The following RTL4 variants were observed in gnomAD, a reference collection of about 807,000 sequenced individuals.
RTL4 encodes the protein retrotransposon Gag-like protein 4.
In RTL4, 4 loss-of-function variants were observed where a neutral mutation model predicts 5.3. The observed-to-expected ratio is 0.75, with a 90% CI of 0.37 to 1.72. The LOEUF (loss-of-function observed/expected upper bound fraction) is 1.72. Among genes scored for constraint, RTL4 ranks in the 40% most tolerant of loss-of-function variants. The pLI, the probability that RTL4 is intolerant of heterozygous loss-of-function variation, is 0.04. For synonymous variants in RTL4, 98 were observed against 87.3 expected (o/e 1.12, Z -0.68); for missense variants, 260 against 227.1 (o/e 1.14, Z -0.93).
the RTL4 span, among the ~76,000 whole-genome samples, chrX:112,259,386 C>T: frequency 9.0e-6 from 1 of 110,778 alleles, no homozygotes; most frequent in African/African-American, 3.3e-5. Flanking sequence ...TTTATAATTT[C>T]TAACAATATG....
the RTL4 span, among the ~76,000 whole-genome samples, chrX:112,087,128 A>G: frequency 1.8e-5 from 2 of 111,259 alleles, no homozygotes; most frequent in African/African-American, 6.5e-5. Context: ...GCCTGAGGTT[A>G]GAGGATAGTG....
At chrX:112,405,706 C>T in the RTL4 span, among the ~76,000 whole-genome samples, 8 of 99,565 alleles carry the variant, frequency 8.0e-5, no homozygotes, top group Non-Finnish European at 1.6e-4. Context: ...TGTCCTCCCC[C>T]TGCAAGGACA....
At chrX:112,221,651 T>C in the RTL4 span, among the ~76,000 whole-genome samples, 296 of 112,568 alleles carry the variant, frequency 2.6e-3, no homozygotes, top group African/African-American at 8.7e-3. Flanking sequence ...GCCTGGGTCA[T>C]CTGCCTTTCT....
the RTL4 span, among the ~76,000 whole-genome samples, chrX:112,207,109 T>G: frequency 8.9e-6 from 1 of 111,862 alleles, no homozygotes; most frequent in Admixed American, 9.5e-5. Flanking sequence ...GTCTCCTTAA[T>G]GCTTTTCCCA....
the RTL4 span, among the ~76,000 whole-genome samples, chrX:112,083,150 C>T: frequency 8.9e-6 from 1 of 112,120 alleles, no homozygotes; most frequent in Admixed American, 9.3e-5. Flanking sequence ...TGTTTGCTTC[C>T]CCAGACCTCC....
the RTL4 span, among the ~76,000 whole-genome samples, chrX:112,331,297 C>A: frequency 2.4e-4 from 25 of 106,076 alleles, no homozygotes; most frequent in East Asian, 1.8e-3. Context: ...CAATGAACTC[C>A]AACAAATTTA....
the RTL4 span, among the ~76,000 whole-genome samples, chrX:112,330,710 G>C: frequency 1.8e-5 from 2 of 111,408 alleles, no homozygotes; most frequent in Non-Finnish European, 3.8e-5. Flanking sequence ...TCAATCTTAA[G>C]CCAAAAGAAC....
the RTL4 span, among the ~76,000 whole-genome samples, chrX:112,313,822 G>A: frequency 6.4e-5 from 7 of 110,117 alleles, no homozygotes; most frequent in African/African-American, 1.3e-4. Context: ...TCACTCAAAT[G>A]ACAAAGTCAT....
At chrX:112,412,976 T>A in the RTL4 span, among the ~76,000 whole-genome samples, 1 of 111,218 alleles carries the variant, frequency 9.0e-6, no homozygotes, top group South Asian at 3.7e-4. Flanking sequence ...GATTAATAAC[T>A]AGAATATATA....
chrX:112,278,298 T>C, the RTL4 span, among the ~76,000 whole-genome samples: 2 of 112,266 alleles, frequency 1.8e-5, no homozygotes, highest in African/African-American at 6.5e-5. Context: ...ATAGGAATCA[T>C]GTTTTTAATT....
chrX:112,361,909 C>T, the RTL4 span, among the ~76,000 whole-genome samples: 1 of 111,477 alleles, frequency 9.0e-6, no homozygotes, highest in Non-Finnish European at 1.9e-5. Flanking sequence ...TTGGAATTGA[C>T]TAAATTCTTT....
At chrX:112,236,068 A>G in the RTL4 span, among the ~76,000 whole-genome samples, 1 of 110,779 alleles carries the variant, frequency 9.0e-6, no homozygotes. Context: ...GAAAGTATGA[A>G]ACAATTGATA....
chrX:112,164,017 C>T, the RTL4 span, among the ~76,000 whole-genome samples: 1 of 111,970 alleles, frequency 8.9e-6, no homozygotes, highest in Non-Finnish European at 1.9e-5. Context: ...CCCTTTGCAA[C>T]CTCAACTATT....
At chrX:112,287,407 A>G in the RTL4 span, among the ~76,000 whole-genome samples, 2 of 112,232 alleles carry the variant, frequency 1.8e-5, no homozygotes, top group African/African-American at 6.5e-5. Context: ...TTGTTCCCAC[A>G]TAGACTAAAT....
the RTL4 span, among the ~76,000 whole-genome samples, chrX:112,409,355 GGGTTATAA>G: frequency 9.0e-6 from 1 of 111,639 alleles, no homozygotes; most frequent in Non-Finnish European, 1.9e-5. Context: ...TTAAAATAAT[GGGTTATAA>G]GGTGTTATTT....
chrX:112,144,105 C>G, the RTL4 span, among the ~76,000 whole-genome samples: 193 of 111,091 alleles, frequency 1.7e-3, 1 homozygote, highest in African/African-American at 5.8e-3. Flanking sequence ...ATCTTCTAAC[C>G]TTGGATTTAA....
At chrX:112,088,028 T>C in the RTL4 span, among the ~76,000 whole-genome samples, 1 of 109,607 alleles carries the variant, frequency 9.1e-6, no homozygotes, top group Non-Finnish European at 1.9e-5. Flanking sequence ...TTTTTTCCTT[T>C]TTGTGGAGAA....
At chrX:112,157,764 G>A in the RTL4 span, among the ~76,000 whole-genome samples, 349 of 112,083 alleles carry the variant, frequency 3.1e-3, 1 homozygote, top group African/African-American at 0.011. Context: ...TGCTTCCTGA[G>A]CTGCTGTCCC....
At chrX:112,454,287 G>A (rs1281560832), upstream of RTL4, among the ~76,000 whole-genome samples, 1 of 111,778 alleles carries the variant, frequency 8.9e-6, no homozygotes, top group Non-Finnish European at 1.9e-5. Flanking sequence ...ATTTGTGTTG[G>A]GCTGCATTCA....
Sources: gnomAD v4.1 joint callset for allele counts (sites outside exome capture counted in the v4.1 genomes callset) on GRCh38, gnomAD v4.1.1 for gene constraint, MANE v1.5 for transcripts, NCBI Gene and HGNC (gene_info 2026-07-23, HGNC 2026-07-21) for gene names.